RASSF5: variants seen among roughly 807,000 people sequenced by gnomAD.
The protein encoded by RASSF5 is ras association domain-containing protein 5.
A neutral mutation model predicts 40.5 loss-of-function variants in RASSF5; 25 were observed. That is an observed-to-expected ratio of 0.62 (90% CI 0.45 to 0.86). The LOEUF (loss-of-function observed/expected upper bound fraction) is 0.86. RASSF5 is among the 40% of genes least tolerant of loss of function. The pLI, the probability that RASSF5 is intolerant of heterozygous loss-of-function variation, is 0.00. For missense variants in RASSF5, 521 were observed against 572.8 expected, an observed-to-expected ratio of 0.91 and a Z score of 0.92; for synonymous variants, 246 against 252.4, an observed-to-expected ratio of 0.97 and a Z score of 0.24.
chr1:206,550,022 G>T (rs1369897418), intron 2 of RASSF5, among the ~76,000 whole-genome samples: 2 of 152,026 alleles, frequency 1.3e-5, no homozygotes, highest in African/African-American at 4.8e-5. Flanking sequence ...CTGTGAACTC[G>T]GGCTGCCTTT....
At chr1:206,572,908 C>G (rs559926863) in intron 2 of RASSF5, among the ~76,000 whole-genome samples, 2 of 151,992 alleles carry the variant, frequency 1.3e-5, no homozygotes, top group Non-Finnish European at 2.9e-5. Flanking sequence ...AAGGGCCTAT[C>G]GGGAATCAAG....
rs1042481632 is a variant in RASSF5 at position 206,531,546 on chromosome 1, G to T, written c.458-6626G>T. Reference sequence around the variant, plus strand: ...CCCTGGGATGGTCTGTGCGCAGAGGGCGCTGGAGACCCTCTCTGGGTGTTC... The same window carrying T: ...CCCTGGGATGGTCTGTGCGCAGAGGTCGCTGGAGACCCTCTCTGGGTGTTC... On this transcript the variant is annotated intron_variant, in intron 1 of 5. Coordinates refer to ENST00000579436, the MANE Select transcript of RASSF5 (RefSeq NM_182663.4). This position sits in a 1 kb window ranked among gnomAD's most constrained non-coding sequence, Gnocchi z 4.7. Among the ~76,000 whole-genome samples the T allele has an allele frequency of 1.3e-5, 2 of 152,184 alleles. No homozygotes were observed. The highest frequency in any genetic ancestry group is 2.9e-5 in the Non-Finnish European group (2 of 68,034).
intron 5 of RASSF5, 60 bp downstream of exon 5, chr1:206,585,355 G>A: frequency 8.0e-7 from 1 of 1,254,764 alleles, no homozygotes; most frequent in African/African-American, 1.5e-5. Flanking sequence ...GGTGCAGGTG[G>A]GTGTTGTCCT....
Position 206,587,168 on chromosome 1 carries a change from G to C in RASSF5, c.*190G>C. On this transcript the variant is annotated 3_prime_UTR_variant, in exon 6 of 6. Transcript: ENST00000579436. ...GAGGGTTCAGCTGTGCCCGCCCCCA[G>C]GCTGTGCCCCACCACAGATTCTGCC... 1 of 631,700 alleles carries C rather than the reference G, an allele frequency of 1.6e-6. No individual in the cohort carries two copies. Among genetic ancestry groups the C allele is most frequent in the Non-Finnish European group, 2.8e-6 (1 of 362,592 alleles). The allele number at this position is 631,700 out of a possible 1,614,324, so 39.1% of individuals were successfully genotyped here. A position where few individuals can be genotyped will look rare whatever the true frequency, so the allele number is the denominator to read the frequency against.
chr1:206,567,495 G>A (rs901463581), intron 2 of RASSF5, among the ~76,000 whole-genome samples: 6 of 152,164 alleles, frequency 3.9e-5, no homozygotes, highest in African/African-American at 1.4e-4. Flanking sequence ...GGAGGAGCAG[G>A]CTGTACTGGG....
At chr1:206,541,211 G>A (rs1008930924) in intron 2 of RASSF5, among the ~76,000 whole-genome samples, 5 of 152,188 alleles carry the variant, frequency 3.3e-5, no homozygotes, top group African/African-American at 1.2e-4. Context: ...GCTCTTTAAG[G>A]AAAGAAAATC....
chr1:206,557,742 T>C, intron 2 of RASSF5: 1 of 1,592,866 alleles, frequency 6.3e-7, no homozygotes, highest in Non-Finnish European at 8.6e-7. Context: ...GGAAATAACC[T>C]CTGTGGTCAA....
At chr1:206,514,703 G>C (rs1200339441) in intron 1 of RASSF5, among the ~76,000 whole-genome samples, 2 of 152,174 alleles carry the variant, frequency 1.3e-5, no homozygotes. Context: ...AAAGAAGAGT[G>C]ATGTTCTTAT....
chr1:206,523,812 A>G (rs1572298737), intron 1 of RASSF5, among the ~76,000 whole-genome samples: 2 of 105,512 alleles, frequency 1.9e-5, no homozygotes, highest in South Asian at 4.9e-4. Flanking sequence ...TGTACAATAT[A>G]TTTTATATAT....
At chr1:206,547,580 T>C (rs1667731090) in intron 2 of RASSF5, among the ~76,000 whole-genome samples, 1 of 151,886 alleles carries the variant, frequency 6.6e-6, no homozygotes, top group Admixed American at 6.6e-5. Context: ...TGATGGTGAG[T>C]TGTATAATTA....
At chr1:206,536,454 G>C (rs1435752227) in intron 1 of RASSF5, among the ~76,000 whole-genome samples, 1 of 152,060 alleles carries the variant, frequency 6.6e-6, no homozygotes, top group Non-Finnish European at 1.5e-5. Flanking sequence ...CATTTGTCAG[G>C]GTGCTCCCCT....
At chr1:206,557,498 G>GC in intron 2 of RASSF5, 1 of 1,596,946 alleles carries the variant, frequency 6.3e-7, no homozygotes, top group Non-Finnish European at 8.5e-7. Flanking sequence ...GGGGAGGGGT[G>GC]CCCACCTCCC....
At position 206,507,572 on chromosome 1, in the gene RASSF5, C is replaced by T. The variant is rs1553393884; in HGVS notation, c.-31C>T. 3 of 1,459,064 alleles carry T rather than the reference C, an allele frequency of 2.1e-6. No homozygotes were observed. The highest frequency in any genetic ancestry group is 2.5e-5 in the Admixed American group (1 of 39,756). 90.4% of individuals were successfully genotyped at this position (1,459,064 alleles called of 1,614,324 possible). ...GGGAGTAGCGCAGTCGCCAAAGCCG[C>T]CGCTGCCAAAGCTGCCGCCACTAGC... On this transcript the variant is annotated 5_prime_UTR_variant, in exon 1 of 6. Coordinates refer to ENST00000579436, the MANE Select transcript of RASSF5 (RefSeq NM_182663.4).
chr1:206,518,196 G>C (rs551432260), intron 1 of RASSF5, among the ~76,000 whole-genome samples: 2 of 152,224 alleles, frequency 1.3e-5, no homozygotes, highest in African/African-American at 4.8e-5. Flanking sequence ...TTTCCACTGG[G>C]GGAGGTGGAG....
At chr1:206,512,242 G>A (rs1263808843) in intron 1 of RASSF5, among the ~76,000 whole-genome samples, 7 of 152,112 alleles carry the variant, frequency 4.6e-5, no homozygotes, top group East Asian at 3.9e-4. Flanking sequence ...GGATGTGTGC[G>A]TTAGGGGCCA....
intron 2 of RASSF5, among the ~76,000 whole-genome samples, chr1:206,540,486 G>A (rs543382000): frequency 3.6e-4 from 55 of 152,374 alleles, no homozygotes; most frequent in African/African-American, 1.3e-3. Flanking sequence ...CCCCGCGTGG[G>A]AGCTGAACCG....
At chr1:206,536,309 A>G (rs1667391968) in intron 1 of RASSF5, among the ~76,000 whole-genome samples, 1 of 152,104 alleles carries the variant, frequency 6.6e-6, no homozygotes, top group Non-Finnish European at 1.5e-5. Context: ...GTGGGATCTG[A>G]AGGAGAGGAT....
intron 2 of RASSF5, among the ~76,000 whole-genome samples, chr1:206,558,852 G>A (rs1292955327): frequency 1.3e-5 from 2 of 152,178 alleles, no homozygotes; most frequent in Non-Finnish European, 2.9e-5. Flanking sequence ...CAGAGGGTGA[G>A]GGGCAAAGGG....
intron 2 of RASSF5, among the ~76,000 whole-genome samples, chr1:206,548,756 C>G (rs1667761734): frequency 6.6e-6 from 1 of 152,160 alleles, no homozygotes; most frequent in Admixed American, 6.5e-5. Context: ...TTCATACCCC[C>G]CCACTCTGAG....
Sources: gnomAD v4.1 joint callset for allele counts (sites outside exome capture counted in the v4.1 genomes callset) on GRCh38, gnomAD v4.1.1 for gene constraint, Gnocchi (gnomAD v3.1) non-coding constraint, MANE v1.5 for transcripts, NCBI Gene and HGNC (gene_info 2026-07-23, HGNC 2026-07-21) for gene names.